The following EXOC2 variants were observed in gnomAD, a reference collection of about 807,000 sequenced individuals.
EXOC2 encodes SEC5-like 1.
Under a neutral mutation model 131.8 loss-of-function variants are expected in EXOC2, and 70 were observed. The ratio of observed to expected loss-of-function variants is 0.53; its 90% CI spans 0.44 to 0.65. The LOEUF (loss-of-function observed/expected upper bound fraction) is 0.65, where lower values mean the gene tolerates loss of function less well. Among genes scored for constraint, EXOC2 ranks in the 30% least tolerant of loss-of-function variants. The pLI is 0.00. For missense variants in EXOC2, 923 were observed against 1,108.6 expected (o/e 0.83, Z 2.38); for synonymous variants, 411 against 398.4 (o/e 1.03, Z -0.38).
intron 23 of EXOC2, among the ~76,000 whole-genome samples, chr6:513,912 A>G (rs1242764983): frequency 6.6e-6 from 1 of 152,244 alleles, no homozygotes; most frequent in Admixed American, 6.5e-5. Context: ...ACACTTAAAA[A>G]TCTAGCCACA....
intron 11 of EXOC2, among the ~76,000 whole-genome samples, chr6:589,608 T>C (rs1759420003): frequency 1.3e-5 from 2 of 152,304 alleles, no homozygotes; most frequent in East Asian, 1.9e-4. Flanking sequence ...TTTTAGATGG[T>C]GTGTTTCTCC....
intron 22 of EXOC2, among the ~76,000 whole-genome samples, chr6:533,796 G>C (rs1336112015): frequency 6.6e-6 from 1 of 152,154 alleles, no homozygotes; most frequent in Non-Finnish European, 1.5e-5. Context: ...GGGGCTGGTG[G>C]CCGTTCTGCT....
chr6:685,984 T>C (rs998597216), intron 1 of EXOC2, among the ~76,000 whole-genome samples: 2 of 150,504 alleles, frequency 1.3e-5, no homozygotes, highest in African/African-American at 4.9e-5. Flanking sequence ...TCTTTTTTTT[T>C]TTTTTGAGAC....
At chr6:528,194 C>CA (rs1212654154) in intron 23 of EXOC2, among the ~76,000 whole-genome samples, 1 of 151,792 alleles carries the variant, frequency 6.6e-6, no homozygotes, top group Non-Finnish European at 1.5e-5. Flanking sequence ...CTTGTTGAAT[C>CA]ATGAAATTAA....
intron 3 of EXOC2, among the ~76,000 whole-genome samples, chr6:631,341 C>A (rs1328307216): frequency 6.6e-6 from 1 of 152,090 alleles, no homozygotes; most frequent in Non-Finnish European, 1.5e-5. Context: ...AGTTCGAGAC[C>A]AGCCTGACCA....
intron 4 of EXOC2, 67 bp downstream of exon 4, chr6:629,768 C>T (rs1761750850): frequency 1.9e-6 from 3 of 1,575,704 alleles, no homozygotes; most frequent in South Asian, 1.2e-5. Context: ...GAGTCCCTTT[C>T]CTGTAAGTAT....
At chr6:580,013 C>A (rs1758799208) in intron 11 of EXOC2, among the ~76,000 whole-genome samples, 1 of 151,166 alleles carries the variant, frequency 6.6e-6, no homozygotes. Flanking sequence ...ATACACATTA[C>A]ATAAAGCATA....
intron 23 of EXOC2, among the ~76,000 whole-genome samples, chr6:524,019 A>T (rs1765618012): frequency 6.6e-6 from 1 of 152,236 alleles, no homozygotes; most frequent in South Asian, 2.1e-4. Context: ...AAACTGAAAA[A>T]GCCGCAAAGG....
At chr6:643,247 T>C (rs1762433210) in intron 1 of EXOC2, among the ~76,000 whole-genome samples, 1 of 152,198 alleles carries the variant, frequency 6.6e-6, no homozygotes, top group East Asian at 1.9e-4. Flanking sequence ...ACAGCACTGT[T>C]GGTCATCCTG....
At chr6:533,032 G>A (rs149512934) in intron 22 of EXOC2, among the ~76,000 whole-genome samples, 119 of 152,278 alleles carry the variant, frequency 7.8e-4, no homozygotes, top group Non-Finnish European at 1.5e-3. Flanking sequence ...GTACCCAGTG[G>A]AAGGGGAAGA....
At chr6:609,730 T>C (rs1406313093) in intron 7 of EXOC2, among the ~76,000 whole-genome samples, 1 of 152,234 alleles carries the variant, frequency 6.6e-6, no homozygotes, top group Non-Finnish European at 1.5e-5. Flanking sequence ...GCATTAATGC[T>C]GGGAGACGCC....
At chr6:687,194 T>TTTTTTTTTTTTA (rs1764700780) in intron 1 of EXOC2, among the ~76,000 whole-genome samples, 6 of 143,650 alleles carry the variant, frequency 4.2e-5, no homozygotes, top group South Asian at 4.6e-4. Flanking sequence ...TTTTTTTTTT[T>TTTTTTTTTTTTA]GAGACAGGGT....
chr6:498,329 A>C (rs970772669), intron 24 of EXOC2, among the ~76,000 whole-genome samples: 1 of 152,244 alleles, frequency 6.6e-6, no homozygotes, highest in South Asian at 2.1e-4. Flanking sequence ...AATCAGCACC[A>C]TCACTACAAT....
chr6:488,925 A>G, intron 27 of EXOC2, 54 bp downstream of exon 27: 1 of 1,542,438 alleles, frequency 6.5e-7, no homozygotes, highest in Non-Finnish European at 8.8e-7. Flanking sequence ...TTTAGGAAAC[A>G]AAACCTTGTT....
In EXOC2 at chr6:485,778, G is replaced by A. The variant is rs1231823623; in HGVS notation, c.*893C>T. 3 of 152,246 alleles carry A rather than the reference G, an allele frequency of 2.0e-5. No individual in the cohort carries two copies. Among genetic ancestry groups the A allele is most frequent in the African/African-American group, 2.4e-5 (1 of 41,468 alleles). 9.4% of individuals were successfully genotyped at this position (152,246 alleles called of 1,614,324 possible). A position where few individuals can be genotyped will look rare whatever the true frequency, so the allele number is the denominator to read the frequency against. ...GCTACTGAGCAAGATCCTTCAGCAG[G>A]TAAGAAGTGGCAGAGACAGTCACCT... is the stretch of plus-strand genomic sequence containing the variant. On this transcript the variant is annotated 3_prime_UTR_variant, in exon 28 of 28. Transcript: ENST00000230449.
At chr6:654,837 A>AG (rs1762997178) in intron 1 of EXOC2, among the ~76,000 whole-genome samples, 6 of 141,140 alleles carry the variant, frequency 4.3e-5, no homozygotes, top group African/African-American at 7.8e-5. Context: ...AAAAAAAAAA[A>AG]GTAGAGCCTT....
intron 22 of EXOC2, among the ~76,000 whole-genome samples, chr6:539,401 T>C (rs1190523614): frequency 6.6e-6 from 1 of 152,164 alleles, no homozygotes; most frequent in Non-Finnish European, 1.5e-5. Flanking sequence ...GCACCGGCAC[T>C]GATGCCAGCC....
chr6:615,636 T>C (rs766856312), intron 6 of EXOC2, among the ~76,000 whole-genome samples: 5 of 150,482 alleles, frequency 3.3e-5, no homozygotes, highest in East Asian at 2.0e-4. Context: ...AGGAGAATCA[T>C]GTGAACCCAG....
chr6:518,353 C>T (rs77341285), intron 23 of EXOC2, among the ~76,000 whole-genome samples: 1,717 of 152,192 alleles, frequency 0.011, 26 homozygotes, highest in African/African-American at 0.038. Flanking sequence ...TCAGACTGTT[C>T]GGTTTGGAGA....
Sources: gnomAD v4.1 joint callset for allele counts (sites outside exome capture counted in the v4.1 genomes callset) on GRCh38, gnomAD v4.1.1 for gene constraint, MANE v1.5 for transcripts, NCBI Gene and HGNC (gene_info 2026-07-23, HGNC 2026-07-21) for gene names.